The following KIF13A variants were observed in gnomAD, a reference collection of about 807,000 sequenced individuals.
KIF13A encodes the protein kinesin-like protein KIF13A.
A neutral mutation model predicts 212.2 loss-of-function variants in KIF13A; 79 were observed. The observed-to-expected ratio is 0.37, with a 90% CI of 0.31 to 0.45. The LOEUF (loss-of-function observed/expected upper bound fraction) is 0.45. Among genes scored for constraint, KIF13A ranks in the 20% least tolerant of loss-of-function variants. The pLI is 1.00. For missense variants in KIF13A, 1,901 were observed against 2,209.0 expected, an observed-to-expected ratio of 0.86 and a Z score of 2.79; for synonymous variants, 789 against 808.6, an observed-to-expected ratio of 0.98 and a Z score of 0.41.
chr6:17,977,089 G>C (rs1349338566), intron 2 of KIF13A, among the ~76,000 whole-genome samples: 5 of 142,484 alleles, frequency 3.5e-5, no homozygotes, highest in Non-Finnish European at 7.5e-5. Context: ...GAAACAGAGC[G>C]AGACTCCGTC....
At chr6:17,889,459 A>C (rs1276453479) in intron 3 of KIF13A, among the ~76,000 whole-genome samples, 1 of 152,216 alleles carries the variant, frequency 6.6e-6, no homozygotes, top group Non-Finnish European at 1.5e-5. Flanking sequence ...AAATTATAAG[A>C]TACTAAACAA....
At chr6:17,905,823 A>G (rs1162139865) in intron 2 of KIF13A, among the ~76,000 whole-genome samples, 1 of 152,224 alleles carries the variant, frequency 6.6e-6, no homozygotes, top group African/African-American at 2.4e-5. Flanking sequence ...CAGCAGTTAG[A>G]CTACAGTTAG....
intron 2 of KIF13A, among the ~76,000 whole-genome samples, chr6:17,985,415 C>G (rs1452462573): frequency 6.6e-6 from 1 of 152,148 alleles, no homozygotes; most frequent in Non-Finnish European, 1.5e-5. Context: ...AAAATCAAAT[C>G]TGTTTCTCTT....
Position 17,771,912 on chromosome 6 carries a change from T to C in KIF13A, c.4472A>G (p.Gln1491Arg), listed in dbSNP as rs1759530842. 1 of 1,613,868 alleles carries C rather than the reference T, an allele frequency of 6.2e-7. No homozygotes were observed. The highest frequency in any genetic ancestry group is 1.3e-5 in the African/African-American group (1 of 74,942). ...ACAGACAAGTCAAGCATTTACCTCC[T>C]GGCTTAGAAGAGGCCTTGCTTCCAG... ...IALEARPLLS[Q>R]ESMPPPQAHN... The change falls in exon 37 of 39, where the codon CAG (glutamine) becomes CGG (arginine). Residue 1491 changes from glutamine to arginine, a missense_variant. This residue lies in a region of KIF13A where 687 missense variants were observed against 759.1 expected (regional missense o/e 0.90). Coordinates refer to ENST00000259711, the MANE Select transcript of KIF13A (RefSeq NM_022113.6). This position sits in a 1 kb window ranked among gnomAD's most constrained non-coding sequence, Gnocchi z 5.4.
In KIF13A at chr6:17,961,535, A is replaced by G. The variant is rs1391078429; in HGVS notation, c.146+25519T>C. Among the ~76,000 whole-genome samples, 1 of 152,190 alleles carries G rather than the reference A, an allele frequency of 6.6e-6. No individual in the cohort carries two copies. The highest frequency in any genetic ancestry group is 2.4e-5 in the African/African-American group (1 of 41,450). The stretch of plus-strand genomic sequence containing the variant: ...CTGACTACCATAAATTTGACATTAA[A>G]CAAAACAGCCCAGTGACTGTATTTA... On this transcript the variant is annotated intron_variant, in intron 2 of 38. Coordinates refer to ENST00000259711, the MANE Select transcript of KIF13A (RefSeq NM_022113.6). This position sits in a 1 kb window ranked among gnomAD's most constrained non-coding sequence, Gnocchi z 4.1.
intron 3 of KIF13A, chr6:17,881,967 G>A: frequency 2.2e-6 from 1 of 454,954 alleles, no homozygotes; most frequent in South Asian, 1.6e-5. Context: ...CTGCACTCCA[G>A]CCTGGGCAAC....
chr6:17,795,246 T>G (rs1457824201), intron 23 of KIF13A, among the ~76,000 whole-genome samples: 2 of 152,262 alleles, frequency 1.3e-5, no homozygotes, highest in East Asian at 3.9e-4. Context: ...GAAGGATATT[T>G]GGGTTATTTG....
At chr6:17,923,610 C>T (rs945126673) in intron 2 of KIF13A, among the ~76,000 whole-genome samples, 1 of 151,584 alleles carries the variant, frequency 6.6e-6, no homozygotes, top group Non-Finnish European at 1.5e-5. Context: ...ATTGGGGTGA[C>T]CCTCTTCACA....
chr6:17,980,549 C>T (rs149285259), intron 2 of KIF13A, among the ~76,000 whole-genome samples: 1 of 152,064 alleles, frequency 6.6e-6, no homozygotes, highest in East Asian at 1.9e-4. Flanking sequence ...AGAAATGTCT[C>T]TAAGAAGAGG....
At chr6:17,778,646 A>G (rs1028971821) in intron 33 of KIF13A, among the ~76,000 whole-genome samples, 1 of 152,064 alleles carries the variant, frequency 6.6e-6, no homozygotes, top group African/African-American at 2.4e-5. Context: ...ATCAGCCTCA[A>G]TTTTCTCATT....
chr6:17,919,685 G>C lies in KIF13A; in HGVS notation c.147-21505C>G, dbSNP rs1774875627. Among the ~76,000 whole-genome samples the C allele has an allele frequency of 6.6e-6, 1 of 152,208 alleles. No homozygotes were observed. On this transcript the variant is annotated intron_variant, in intron 2 of 38. Transcript: ENST00000259711. The surrounding 1 kb of genome is among the most constrained non-coding windows in gnomAD (Gnocchi z 4.1). ...TCCAGCACACACAGCAGATACGACA[G>C]CTAACAAGCAGGGCTGTGAGACAGG...
At chr6:17,986,216 A>G (rs78096089) in intron 2 of KIF13A, among the ~76,000 whole-genome samples, 11,117 of 152,328 alleles carry the variant, frequency 0.073, 472 homozygotes, top group Middle Eastern at 0.13. Flanking sequence ...TCACATATAT[A>G]TATTTACAAG....
At position 17,820,751 on chromosome 6, in the gene KIF13A, G is replaced by A. The variant is rs553868358; in HGVS notation, c.1787-3518C>T. Among the ~76,000 whole-genome samples the A allele has an allele frequency of 3.9e-5, 6 of 152,246 alleles. No individual in the cohort carries two copies. The South Asian group carries it at 6.2e-4, about 16-fold the overall frequency. ...TTTACTTTGGGCATAGCACTTTCTC[G>A]TCCTCATTAGTTTCTTCTTTACTTA... On this transcript the variant is annotated intron_variant, in intron 16 of 38. Coordinates refer to ENST00000259711, the MANE Select transcript of KIF13A (RefSeq NM_022113.6).
At chr6:17,779,889 T>C (rs887165588) in intron 31 of KIF13A, among the ~76,000 whole-genome samples, 17 of 151,800 alleles carry the variant, frequency 1.1e-4, no homozygotes, top group African/African-American at 3.4e-4. Context: ...TACAGGCGCC[T>C]GCCACCTCAC....
In KIF13A at chr6:17,773,392, T is replaced by C. The variant is rs1286012462; in HGVS notation, c.4324+86A>G. 8.3e-6 allele frequency: 6 copies of C among 719,712 alleles called. No individual in the cohort carries two copies. The highest frequency in any genetic ancestry group is 1.5e-5 in the Non-Finnish European group (6 of 411,086). 44.6% of individuals were successfully genotyped at this position (719,712 alleles called of 1,614,324 possible). A position where few individuals can be genotyped will look rare whatever the true frequency, so the allele number is the denominator to read the frequency against. ...ACTAGAATATCAGCTTCATATCTTA[T>C]TATATGCCATTAATGAAAGACATTT... On this transcript the variant is annotated intron_variant, in intron 36 of 38. Coordinates refer to ENST00000259711, the MANE Select transcript of KIF13A (RefSeq NM_022113.6). This position sits in a 1 kb window ranked among gnomAD's most constrained non-coding sequence, Gnocchi z 4.2.
rs1775550423 is a variant in KIF13A at position 17,926,988 on chromosome 6, A to G, written c.147-28808T>C. Among the ~76,000 whole-genome samples the G allele has an allele frequency of 6.6e-6, 1 of 152,052 alleles. No individual in the cohort carries two copies. The highest frequency in any genetic ancestry group is 1.5e-5 in the Non-Finnish European group (1 of 68,024). ...CCTCATCTCTACTAAAAATACAAAA[A>G]TTAGCCAGGTGTGGTGGTGCATGTG... On this transcript the variant is annotated intron_variant, in intron 2 of 38. Transcript: ENST00000259711. The surrounding 1 kb of genome is among the most constrained non-coding windows in gnomAD (Gnocchi z 4.3).
intron 3 of KIF13A, among the ~76,000 whole-genome samples, chr6:17,877,361 C>G (rs1317988735): frequency 6.6e-6 from 1 of 152,118 alleles, no homozygotes; most frequent in African/African-American, 2.4e-5. Context: ...ACAATAGTTT[C>G]AGCCAAGAGA....
intron 2 of KIF13A, among the ~76,000 whole-genome samples, chr6:17,965,935 G>A (rs990674852): frequency 2.9e-4 from 44 of 152,322 alleles, no homozygotes; most frequent in African/African-American, 9.6e-4. Context: ...CAGCACTTTG[G>A]GTGGCTGAGG....
At chr6:17,763,406 G>A (rs1758678135), downstream of KIF13A, among the ~76,000 whole-genome samples, 1 of 145,554 alleles carries the variant, frequency 6.9e-6, no homozygotes, top group African/African-American at 2.5e-5. Flanking sequence ...GGAGGTGGAG[G>A]CTGCAATGAG....
Sources: gnomAD v4.1 joint callset for allele counts (sites outside exome capture counted in the v4.1 genomes callset) on GRCh38, gnomAD v4.1.1 for gene constraint, gnomAD v4.1.1 regional missense constraint, Gnocchi (gnomAD v3.1) non-coding constraint, MANE v1.5 for transcripts, NCBI Gene and HGNC (gene_info 2026-07-23, HGNC 2026-07-21) for gene names.